The following IGFL2 variants were observed in gnomAD, a reference collection of about 807,000 sequenced individuals.
The protein encoded by IGFL2 is IGF like family member 2.
A neutral mutation model predicts 13.9 loss-of-function variants in IGFL2; 7 were observed. The observed-to-expected ratio is 0.51, with a 90% CI of 0.29 to 0.95. IGFL2 has a LOEUF of 0.95. Ranked by LOEUF, IGFL2 falls within the 40% of genes least tolerant of loss-of-function variation. IGFL2 has a pLI of 0.08. For synonymous variants in IGFL2, 55 were observed against 55.8 expected (o/e 0.99, Z 0.07); for missense variants, 138 against 147.8 (o/e 0.93, Z 0.34).
chr19:46,176,679 C>T, the IGFL2 span, among the ~76,000 whole-genome samples: 4 of 152,102 alleles, frequency 2.6e-5, no homozygotes, highest in Non-Finnish European at 4.4e-5. Context: ...GGGTGCTGCT[C>T]CTAGGGGGAA....
the IGFL2 span, chr19:46,136,636 A>G: frequency 2.5e-6 from 1 of 393,106 alleles, no homozygotes; most frequent in Non-Finnish European, 4.9e-6. Context: ...TGTTTTAGCA[A>G]TCCCATGTGC....
chr19:46,170,657 T>G, the IGFL2 span, among the ~76,000 whole-genome samples: 108 of 152,148 alleles, frequency 7.1e-4, 1 homozygote, highest in South Asian at 1.7e-3. Context: ...TATTAATAAT[T>G]AACAGCCCTG....
At chr19:46,141,293 A>G (rs527480262), upstream of IGFL2, among the ~76,000 whole-genome samples, 233 of 152,300 alleles carry the variant, frequency 1.5e-3, no homozygotes, top group African/African-American at 5.4e-3. Flanking sequence ...TTTGCAAAGT[A>G]AATAAACACA....
chr19:46,097,372 T>A, the IGFL2 span, among the ~76,000 whole-genome samples: 1 of 152,220 alleles, frequency 6.6e-6, no homozygotes, highest in African/African-American at 2.4e-5. Context: ...ATCCTCTTTA[T>A]CATTTTTTAT....
the IGFL2 span, chr19:46,136,843 T>C: frequency 1.3e-5 from 9 of 709,696 alleles, no homozygotes; most frequent in East Asian, 1.4e-4. Flanking sequence ...TTGAGATCCA[T>C]TGGAGTAGGG....
the IGFL2 span, chr19:46,209,889 A>G: frequency 6.6e-6 from 1 of 152,234 alleles, no homozygotes; most frequent in Non-Finnish European, 1.5e-5. Flanking sequence ...AAAATATCAC[A>G]GATGATTGCC....
At chr19:46,129,068 C>A in the IGFL2 span, among the ~76,000 whole-genome samples, 1 of 152,096 alleles carries the variant, frequency 6.6e-6, no homozygotes, top group Non-Finnish European at 1.5e-5. Context: ...CTGGTCCAAT[C>A]TTGGGAGTGT....
the IGFL2 span, chr19:46,112,841 C>G: frequency 6.6e-6 from 1 of 152,158 alleles, no homozygotes; most frequent in Admixed American, 6.5e-5. Context: ...TGATGTGGCT[C>G]ATACTTGGTA....
chr19:46,085,974 A>G, the IGFL2 span, among the ~76,000 whole-genome samples: 1 of 152,182 alleles, frequency 6.6e-6, no homozygotes, highest in Admixed American at 6.5e-5. Context: ...ATAGTGCTTC[A>G]TATTTCATGT....
At chr19:46,198,925 A>G in the IGFL2 span, among the ~76,000 whole-genome samples, 1 of 152,242 alleles carries the variant, frequency 6.6e-6, no homozygotes, top group Non-Finnish European at 1.5e-5. Context: ...CATTCTATTT[A>G]TTCCTGGACA....
the IGFL2 span, among the ~76,000 whole-genome samples, chr19:46,109,031 C>CA: frequency 2.0e-5 from 3 of 152,196 alleles, no homozygotes; most frequent in African/African-American, 7.2e-5. Context: ...AGGGTGAGGA[C>CA]AGGGGACTGG....
chr19:46,178,668 G>A, the IGFL2 span, among the ~76,000 whole-genome samples: 126 of 152,260 alleles, frequency 8.3e-4, 2 homozygotes, highest in Middle Eastern at 0.017. Context: ...CTGAACGCAA[G>A]CATTACTTTC....
At chr19:46,091,929 G>T in the IGFL2 span, among the ~76,000 whole-genome samples, 2 of 151,982 alleles carry the variant, frequency 1.3e-5, no homozygotes, top group Non-Finnish European at 2.9e-5. Flanking sequence ...TGAATTACTG[G>T]TTAAACTAAA....
the IGFL2 span, among the ~76,000 whole-genome samples, chr19:46,109,128 T>C: frequency 6.6e-6 from 1 of 152,152 alleles, no homozygotes; most frequent in Non-Finnish European, 1.5e-5. Flanking sequence ...AGGCTTTGTG[T>C]GAGCAATAAA....
chr19:46,103,624 G>A, the IGFL2 span, among the ~76,000 whole-genome samples: 3 of 152,140 alleles, frequency 2.0e-5, no homozygotes, highest in African/African-American at 7.2e-5. Context: ...ACAGGGGCAC[G>A]ACACTTATGA....
the IGFL2 span, among the ~76,000 whole-genome samples, chr19:46,110,706 C>T: frequency 6.6e-6 from 1 of 152,104 alleles, no homozygotes; most frequent in Non-Finnish European, 1.5e-5. Flanking sequence ...GCATGCAATA[C>T]AGTTTATAGT....
chr19:46,182,913 C>T, the IGFL2 span, among the ~76,000 whole-genome samples: 2 of 152,100 alleles, frequency 1.3e-5, no homozygotes, highest in Admixed American at 1.3e-4. Flanking sequence ...AGTCTCTCCT[C>T]ACCTCACCCC....
At chr19:46,120,187 TG>T in the IGFL2 span, 1 of 1,197,380 alleles carries the variant, frequency 8.4e-7, no homozygotes, top group Non-Finnish European at 1.1e-6. Context: ...CATCCCCAGC[TG>T]GGCTCCTCTC....
At chr19:46,169,172 C>G in the IGFL2 span, among the ~76,000 whole-genome samples, 1 of 152,050 alleles carries the variant, frequency 6.6e-6, no homozygotes, top group Admixed American at 6.6e-5. Context: ...CACCAGTGCA[C>G]TCCAGTCTGG....
Sources: gnomAD v4.1 joint callset for allele counts (sites outside exome capture counted in the v4.1 genomes callset) on GRCh38, gnomAD v4.1.1 for gene constraint, MANE v1.5 for transcripts, NCBI Gene and HGNC (gene_info 2026-07-23, HGNC 2026-07-21) for gene names.